The following CIMAP2 variants were observed in gnomAD, a reference collection of about 807,000 sequenced individuals.
The protein encoded by CIMAP2 is ciliary microtubule associated protein 2, also known as ciliary microtubule-associated protein 2.
chr1:54,832,068 C>G, the CIMAP2 span, among the ~76,000 whole-genome samples: 5 of 152,206 alleles, frequency 3.3e-5, no homozygotes, highest in Admixed American at 1.3e-4. Context: ...TGGTCTCAAA[C>G]TCCTGGGCTC....
the CIMAP2 span, among the ~76,000 whole-genome samples, chr1:54,839,155 A>C: frequency 6.6e-6 from 1 of 152,044 alleles, no homozygotes; most frequent in Admixed American, 6.5e-5. Flanking sequence ...CAGAGGGAAG[A>C]GCATGAGCGA....
At chr1:54,841,517 T>A in the CIMAP2 span, 2 of 1,582,430 alleles carry the variant, frequency 1.3e-6, no homozygotes, top group East Asian at 4.5e-5. Context: ...GTTAGATAAT[T>A]TTCCAGGGAC....
chr1:54,840,473 T>G, the CIMAP2 span, among the ~76,000 whole-genome samples: 1 of 152,234 alleles, frequency 6.6e-6, no homozygotes, highest in Non-Finnish European at 1.5e-5. Flanking sequence ...TGTAGACGTA[T>G]GTTTTTATTT....
At chr1:54,826,692 G>A in the CIMAP2 span, among the ~76,000 whole-genome samples, 25 of 152,226 alleles carry the variant, frequency 1.6e-4, no homozygotes, top group African/African-American at 3.4e-4. Flanking sequence ...GAGCCTGTGC[G>A]GGGAATGTGG....
chr1:54,825,041 CTTTTTT>C, the CIMAP2 span, among the ~76,000 whole-genome samples: 4 of 59,664 alleles, frequency 6.7e-5, no homozygotes, highest in African/African-American at 3.3e-4. Context: ...TAGGGAATTA[CTTTTTT>C]TTTTTTTTTT....
chr1:54,839,660 G>T, the CIMAP2 span, among the ~76,000 whole-genome samples: 1 of 152,120 alleles, frequency 6.6e-6, no homozygotes, highest in Admixed American at 6.5e-5. Flanking sequence ...TTATAGGCAT[G>T]AGCCACCATG....
the CIMAP2 span, among the ~76,000 whole-genome samples, chr1:54,820,829 C>T: frequency 2.0e-5 from 3 of 152,168 alleles, no homozygotes; most frequent in South Asian, 4.1e-4. Context: ...AGTGCAGTGG[C>T]GTGATCTTGG....
the CIMAP2 span, among the ~76,000 whole-genome samples, chr1:54,824,540 G>A: frequency 0.017 from 2,522 of 152,066 alleles, 91 homozygotes; most frequent in African/African-American, 0.058. Context: ...CCATTGTGGT[G>A]TTCTGTCACA....
At chr1:54,826,594 C>T in the CIMAP2 span, among the ~76,000 whole-genome samples, 1 of 152,212 alleles carries the variant, frequency 6.6e-6, no homozygotes, top group Non-Finnish European at 1.5e-5. Flanking sequence ...CTCTTGGGAA[C>T]AATGCTGTCA....
At chr1:54,811,765 G>GCCGGGGGGGCGGCCCCCCC in the CIMAP2 span, 1 of 1,301,332 alleles carries the variant, frequency 7.7e-7, no homozygotes, top group Non-Finnish European at 1.1e-6. Context: ...GGTTCTGACA[G>GCCGGGGGGGCGGCCCCCCC]CCTCCATGCC....
the CIMAP2 span, among the ~76,000 whole-genome samples, chr1:54,830,442 G>A: frequency 1.3e-5 from 2 of 152,018 alleles, no homozygotes; most frequent in Admixed American, 6.6e-5. The surrounding 1 kb of genome is among the most constrained non-coding windows in gnomAD (Gnocchi z 4.1). Flanking sequence ...GGCTGGTCTC[G>A]AACTCCTGAT....
the CIMAP2 span, among the ~76,000 whole-genome samples, chr1:54,837,814 GT>G: frequency 6.6e-6 from 1 of 152,282 alleles, no homozygotes; most frequent in East Asian, 1.9e-4. Flanking sequence ...GGGGCTGTGT[GT>G]AATGGTTGGA....
chr1:54,811,765 G>GCCGGGGGGGGGGCGCCCC, the CIMAP2 span: 2 of 1,301,330 alleles, frequency 1.5e-6, no homozygotes, highest in Non-Finnish European at 2.2e-6. Context: ...GGTTCTGACA[G>GCCGGGGGGGGGGCGCCCC]CCTCCATGCC....
chr1:54,807,713 T>G, the CIMAP2 span: 75,463 of 1,554,320 alleles, frequency 0.049, 2,177 homozygotes, highest in Admixed American at 0.12. Context: ...GGGCCATGCC[T>G]CTCCCTCTCT....
chr1:54,806,281 G>T, the CIMAP2 span: 1 of 1,423,008 alleles, frequency 7.0e-7, no homozygotes, highest in Non-Finnish European at 9.2e-7. Context: ...TGCCCACCCC[G>T]AAGCCACGCT....
chr1:54,812,011 C>A, the CIMAP2 span: 1 of 1,614,148 alleles, frequency 6.2e-7, no homozygotes, highest in East Asian at 2.2e-5. Flanking sequence ...AAGCTGAGCT[C>A]TCCTGCAGGC....
the CIMAP2 span, chr1:54,813,786 C>T: frequency 2.5e-6 from 4 of 1,577,678 alleles, no homozygotes; most frequent in African/African-American, 1.4e-5. Context: ...CCTGGCATAG[C>T]AGATTCCTTT....
the CIMAP2 span, chr1:54,811,765 G>GCCGGGGGGGGGGGGGGGGGGGGCCCCCCC: frequency 7.7e-7 from 1 of 1,301,330 alleles, no homozygotes. Flanking sequence ...GGTTCTGACA[G>GCCGGGGGGGGGGGGGGGGGGGGCCCCCCC]CCTCCATGCC....
the CIMAP2 span, among the ~76,000 whole-genome samples, chr1:54,809,277 G>C: frequency 1.3e-5 from 2 of 152,118 alleles, no homozygotes; most frequent in African/African-American, 4.8e-5. Context: ...CCAGAGCCAG[G>C]GTCTTTCTCC....
Sources: allele counts gnomAD v4.1 joint callset (sites outside exome capture counted in the v4.1 genomes callset), GRCh38; gene constraint gnomAD v4.1.1; non-coding constraint Gnocchi (gnomAD v3.1); transcripts MANE v1.5; gene names NCBI Gene and HGNC (gene_info 2026-07-23, HGNC 2026-07-21).